Variants in MYOF observed in about 807,000 individuals in gnomAD.
The protein encoded by MYOF is myoferlin.
A neutral mutation model predicts 284.2 loss-of-function variants in MYOF; 244 were observed. The observed-to-expected ratio is 0.86, with a 90% CI of 0.77 to 0.95. MYOF has a LOEUF of 0.95. Ranked by LOEUF, MYOF falls within the 40% of genes least tolerant of loss-of-function variation. The pLI, the probability that MYOF is intolerant of heterozygous loss-of-function variation, is 0.00. For missense variants in MYOF, 2,496 were observed against 2,560.6 expected, an observed-to-expected ratio of 0.97 and a Z score of 0.54; for synonymous variants, 904 against 919.7, an observed-to-expected ratio of 0.98 and a Z score of 0.31.
intron 19 of MYOF, among the ~76,000 whole-genome samples, chr10:93,385,287 T>C (rs1478258066): frequency 6.6e-6 from 1 of 152,178 alleles, no homozygotes; most frequent in African/African-American, 2.4e-5. Flanking sequence ...GCCTGATTCT[T>C]ACTGTGGAAG....
At chr10:93,445,749 G>A (rs2056411498) in intron 3 of MYOF, among the ~76,000 whole-genome samples, 1 of 152,218 alleles carries the variant, frequency 6.6e-6, no homozygotes, top group Non-Finnish European at 1.5e-5. Context: ...TAATAGGCCG[G>A]GGAGCAGCAG....
At chr10:93,375,348 C>A (rs10786093) in intron 22 of MYOF, among the ~76,000 whole-genome samples, 11,105 of 152,244 alleles carry the variant, frequency 0.073, 538 homozygotes, top group African/African-American at 0.14. Flanking sequence ...AGGCTAGAGA[C>A]CATTTAGCTG....
chr10:93,442,965 C>G (rs1327580153), intron 3 of MYOF, among the ~76,000 whole-genome samples: 1 of 152,050 alleles, frequency 6.6e-6, no homozygotes, highest in Non-Finnish European at 1.5e-5. Flanking sequence ...TCGAGACCAG[C>G]CTGGCCAAAA....
intron 38 of MYOF, among the ~76,000 whole-genome samples, chr10:93,341,574 G>T (rs1843916581): frequency 1.3e-5 from 2 of 152,268 alleles, no homozygotes; most frequent in South Asian, 2.1e-4. Context: ...ACTGTGCCCG[G>T]CCTAAAAGGC....
chr10:93,461,069 T>TG (rs1176324701), intron 1 of MYOF, among the ~76,000 whole-genome samples: 3 of 148,886 alleles, frequency 2.0e-5, no homozygotes, highest in Admixed American at 6.8e-5. Context: ...CACTCCAGCC[T>TG]GGCAACAAGA....
In MYOF at chr10:93,333,826, G is replaced by A. The variant is rs773054217; in HGVS notation, c.4651C>T (p.Gln1551Ter). 1 of 1,614,058 alleles carries A rather than the reference G, an allele frequency of 6.2e-7. No homozygotes were observed. Among genetic ancestry groups the A allele is most frequent in the South Asian group, 1.1e-5 (1 of 91,080 alleles). The change falls in exon 42 of 54, where the codon CAG (glutamine) becomes TAG (stop). Residue 1551 changes from glutamine to a stop codon, truncating the protein, a stop_gained. Coordinates refer to ENST00000359263, the MANE Select transcript of MYOF (RefSeq NM_013451.4). LOFTEE classifies it high-confidence loss of function. Reference sequence around the variant, plus strand: ...ATGTAAATCCTAACCGTGCATTCCTGTGGGACGCTGTCAGGTAATTCCCGA... The same window carrying A: ...ATGTAAATCCTAACCGTGCATTCCTATGGGACGCTGTCAGGTAATTCCCGA... ...QFRELPDSVP[Q>*]ECTVRIYIVR...
At chr10:93,466,811 A>C (rs2057018743) in intron 1 of MYOF, among the ~76,000 whole-genome samples, 1 of 152,124 alleles carries the variant, frequency 6.6e-6, no homozygotes, top group African/African-American at 2.4e-5. Flanking sequence ...CCATCTCTAC[A>C]AAAAATTTAA....
Position 93,308,019 on chromosome 10 carries a change from G to C in MYOF, c.6148-1018C>G, listed in dbSNP as rs1303928836. On this transcript the variant is annotated intron_variant, in intron 53 of 53. Transcript: ENST00000359263. ...GCACTTTGGGAGGCTAAGGCAGGCA[G>C]ATCACATGAGGTCAGGAGTTGGAGA... Among the ~76,000 whole-genome samples the C allele has an allele frequency of 2.0e-5, 3 of 149,660 alleles. No homozygotes were observed. The East Asian group carries it at 6.3e-4, about 31-fold the overall frequency.
intron 16 of MYOF, among the ~76,000 whole-genome samples, chr10:93,394,040 C>T (rs775628282): frequency 1.3e-5 from 2 of 152,176 alleles, no homozygotes; most frequent in Non-Finnish European, 2.9e-5. Context: ...CAGATGGAAT[C>T]TCTTTCTTAC....
Position 93,351,589 on chromosome 10 carries a change from T to TTC in MYOF, c.3664-19_3664-18insGA, listed in dbSNP as rs1844516810. 1 of 1,612,240 alleles carries TTC rather than the reference T, an allele frequency of 6.2e-7. No individual in the cohort carries two copies. Among genetic ancestry groups the TTC allele is most frequent in the Admixed American group, 1.7e-5 (1 of 59,748 alleles). ...TCTTTGCCCTAGAGAAACAAAGTGA[T>TTC]CCTTAAATTCCCCGACAATCATCCC... On this transcript the variant is annotated intron_variant, in intron 33 of 53. Transcript: ENST00000359263.
intron 37 of MYOF, among the ~76,000 whole-genome samples, chr10:93,344,208 A>G (rs1034724186): frequency 6.6e-6 from 1 of 152,228 alleles, no homozygotes; most frequent in Non-Finnish European, 1.5e-5. Context: ...GAAAGTGCTC[A>G]AAAAACAATT....
At chr10:93,374,140 C>G (rs1845727634) in intron 23 of MYOF, among the ~76,000 whole-genome samples, 1 of 152,128 alleles carries the variant, frequency 6.6e-6, no homozygotes, top group Non-Finnish European at 1.5e-5. Flanking sequence ...TGATAGTTTG[C>G]TGAGAATGAT....
At chr10:93,470,640 G>A (rs1238595714) in intron 1 of MYOF, among the ~76,000 whole-genome samples, 1 of 152,138 alleles carries the variant, frequency 6.6e-6, no homozygotes, top group Admixed American at 6.5e-5. Context: ...GACCTCAAAT[G>A]ATCTGCTCAC....
chr10:93,478,821 G>A (rs868315331), intron 1 of MYOF, among the ~76,000 whole-genome samples: 1 of 18,154 alleles, frequency 5.5e-5, no homozygotes, highest in Non-Finnish European at 1.3e-4. Flanking sequence ...GGGTGAAACA[G>A]TCTCAAAAAA....
chr10:93,435,354 T>C (rs569950222), intron 3 of MYOF, among the ~76,000 whole-genome samples: 1 of 152,302 alleles, frequency 6.6e-6, no homozygotes, highest in East Asian at 1.9e-4. Flanking sequence ...TTGAACCCGT[T>C]AATTATTTTT....
intron 49 of MYOF, among the ~76,000 whole-genome samples, 164 bp downstream of exon 49, chr10:93,319,708 G>C (rs551252045): frequency 6.6e-6 from 1 of 152,160 alleles, no homozygotes; most frequent in Admixed American, 6.5e-5. Context: ...TGTCCTAGCA[G>C]TGTGACCTTG....
At chr10:93,474,231 C>T (rs1311477061) in intron 1 of MYOF, among the ~76,000 whole-genome samples, 1 of 152,192 alleles carries the variant, frequency 6.6e-6, no homozygotes, top group Non-Finnish European at 1.5e-5. Flanking sequence ...AGCCTTCTTA[C>T]TAGTCTCCCT....
chr10:93,343,873 G>T lies in MYOF; in HGVS notation c.4309C>A (p.Pro1437Thr), dbSNP rs747768248. The T allele has an allele frequency of 6.2e-7, 1 of 1,614,198 alleles. No individual in the cohort carries two copies. Among genetic ancestry groups the T allele is most frequent in the Admixed American group, 1.7e-5 (1 of 60,018 alleles). Residue 1437 changes from proline to threonine, a missense_variant, in exon 38 of 54, where the codon CCA (proline) becomes ACA (threonine). By Grantham distance (38) the Pro-to-Thr change is conservative. This residue lies in a region of MYOF where 2,436 missense variants were observed against 2,480.7 expected (regional missense o/e 0.98). Coordinates refer to ENST00000359263, the MANE Select transcript of MYOF (RefSeq NM_013451.4). Reference sequence around the variant, plus strand: ...AAGCCTACCTTAGAAGCCAGTAATGGTTTGGTGTCTTCCATTTCGATAACG... The same window carrying T: ...AAGCCTACCTTAGAAGCCAGTAATGTTTTGGTGTCTTCCATTTCGATAACG... ...DIVIEMEDTK[P>T]LLASKLTEKE...
chr10:93,367,059 T>A (rs1845359711), intron 25 of MYOF, among the ~76,000 whole-genome samples: 1 of 152,176 alleles, frequency 6.6e-6, no homozygotes, highest in African/African-American at 2.4e-5. Context: ...TCCCAGGCAG[T>A]CCACCAAAAA....
Sources: gnomAD v4.1 joint callset for allele counts (sites outside exome capture counted in the v4.1 genomes callset) on GRCh38, gnomAD v4.1.1 for gene constraint, gnomAD v4.1.1 regional missense constraint, MANE v1.5 for transcripts, NCBI Gene and HGNC (gene_info 2026-07-23, HGNC 2026-07-21) for gene names.